The following C17orf75 variants were observed in gnomAD, a reference collection of about 807,000 sequenced individuals.
C17orf75 encodes the protein protein Njmu-R1.
Under a neutral mutation model 49.6 loss-of-function variants are expected in C17orf75, and 32 were observed. That is an observed-to-expected ratio of 0.65 (90% CI 0.49 to 0.87). C17orf75 has a LOEUF of 0.87. Ranked by LOEUF, C17orf75 falls within the 40% of genes least tolerant of loss-of-function variation. The probability of loss-of-function intolerance (pLI) is 0.00; values close to 1 mark genes in which losing one functional copy is unlikely to be tolerated. For synonymous variants in C17orf75, 158 were observed against 159.5 expected (o/e 0.99, Z 0.07); for missense variants, 428 against 473.9 (o/e 0.90, Z 0.90).
upstream of C17orf75, among the ~76,000 whole-genome samples, chr17:32,344,703 T>C (rs1010110062): frequency 1.8e-4 from 27 of 152,026 alleles, no homozygotes; most frequent in African/African-American, 5.3e-4. Context: ...GGTCAGGAGT[T>C]TGAAGCCAGC....
In C17orf75 at chr17:32,330,293, C is replaced by T. The variant is rs2041263387; in HGVS notation, c.*1470G>A. The T allele has an allele frequency of 6.6e-6, 1 of 152,032 alleles. No homozygotes were observed. The highest frequency in any genetic ancestry group is 6.6e-5 in the Admixed American group (1 of 15,264). 9.4% of individuals were successfully genotyped at this position (152,032 alleles called of 1,614,324 possible). On this transcript the variant is annotated 3_prime_UTR_variant, in exon 10 of 10. Transcript: ENST00000577809. ...AAAGAAAAGAAATGTGAGTCATGTCCCGAGGCTTATGTAGAGGAGAAAGCA... is the reference window on the plus strand; with the variant it reads ...AAAGAAAAGAAATGTGAGTCATGTCTCGAGGCTTATGTAGAGGAGAAAGCA...
At position 32,335,383 on chromosome 17, in the gene C17orf75, TACA is replaced by T; in HGVS notation, c.606_608del (p.Val203del). On this transcript the variant is annotated inframe_deletion, in exon 6 of 10. Coordinates refer to ENST00000577809, the MANE Select transcript of C17orf75 (RefSeq NM_022344.4). Reference sequence around the variant, plus strand: ...GAAGAACAACCCTTTGGATTGGGCATACAACATCCTCAAACCAGCTGCTCAGAT... The same window carrying T: ...GAAGAACAACCCTTTGGATTGGGCATACATCCTCAAACCAGCTGCTCAGAT... 6.2e-7 allele frequency: 1 copy of T among 1,613,964 alleles called. No homozygotes were observed. Among genetic ancestry groups the T allele is most frequent in the Non-Finnish European group, 8.5e-7 (1 of 1,179,836 alleles).
chr17:32,338,813 G>A (rs1331411213), intron 3 of C17orf75, among the ~76,000 whole-genome samples: 2 of 152,078 alleles, frequency 1.3e-5, no homozygotes, highest in Non-Finnish European at 2.9e-5. Context: ...AATGGAGGCC[G>A]GGCACAGTGG....
chr17:32,337,359 A>G (rs1454226428), intron 5 of C17orf75, among the ~76,000 whole-genome samples: 1 of 151,636 alleles, frequency 6.6e-6, no homozygotes, highest in Non-Finnish European at 1.5e-5. Flanking sequence ...GCTGTTTAGG[A>G]GGCTGAGGCG....
intron 9 of C17orf75, among the ~76,000 whole-genome samples, chr17:32,332,863 G>A (rs1289289752): frequency 6.6e-6 from 1 of 152,028 alleles, no homozygotes; most frequent in Non-Finnish European, 1.5e-5. Flanking sequence ...AGGTCGGAGT[G>A]CAGTGGCACA....
rs1489330634 is a variant in C17orf75, at chr17:32,334,511, C to T, written c.829G>A (p.Val277Ile). 6.2e-7 allele frequency: 1 copy of T among 1,612,556 alleles called. No individual in the cohort carries two copies. Among genetic ancestry groups the T allele is most frequent in the Non-Finnish European group, 8.5e-7 (1 of 1,179,410 alleles). Residue 277 changes from valine to isoleucine, a missense_variant, in exon 8 of 10, where the codon GTC becomes ATC. By Grantham distance (29) the Val-to-Ile change is conservative. Transcript: ENST00000577809. The stretch of plus-strand genomic sequence containing the variant: ...GGCTGGGAGCTGCTGCAATCGATGA[C>T]CACAGACTTATGCTGCTCCTCTGTC... ...AMTEEQHKSV[V>I]IDCSSSQPQF...
At position 32,328,849 on chromosome 17, in the gene C17orf75, C is replaced by T. The variant is rs1234022235; in HGVS notation, c.*2914G>A. On this transcript the variant is annotated 3_prime_UTR_variant, in exon 10 of 10. Transcript: ENST00000577809. ...AGGTTGCAGTGAGCCAAGATTGCAC[C>T]ACCACACTCCAGCCTGGGTGACAGA... 2.6e-5 allele frequency: 4 copies of T among 151,836 alleles called. No individual in the cohort carries two copies. The highest frequency in any genetic ancestry group is 6.6e-5 in the Admixed American group (1 of 15,250). The allele number at this position is 151,836 out of a possible 1,614,324, so 9.4% of individuals were successfully genotyped here.
chr17:32,334,428 G>T (rs758683474), intron 8 of C17orf75, 41 bp downstream of exon 8: 2 of 1,588,052 alleles, frequency 1.3e-6, no homozygotes, highest in Non-Finnish European at 1.7e-6. Context: ...ATGGGGACTC[G>T]CAAGAGATGT....
chr17:32,343,191 A>C (rs994034990), upstream of C17orf75, among the ~76,000 whole-genome samples: 3 of 152,200 alleles, frequency 2.0e-5, no homozygotes, highest in Admixed American at 1.3e-4. Flanking sequence ...TAGAGGCTTC[A>C]AGAGAGTATG....
upstream of C17orf75, among the ~76,000 whole-genome samples, chr17:32,342,673 C>T (rs1351642010): frequency 1.3e-5 from 2 of 152,216 alleles, no homozygotes; most frequent in Non-Finnish European, 2.9e-5. Context: ...CGGTGGCTCA[C>T]GCCTGTAATT....
chr17:32,329,464 G>C lies in C17orf75; in HGVS notation c.*2299C>G, dbSNP rs998676989. 4 of 149,686 alleles carry C rather than the reference G, an allele frequency of 2.7e-5. No homozygotes were observed. Among genetic ancestry groups the C allele is most frequent in the African/African-American group, 9.9e-5 (4 of 40,516 alleles). 9.3% of individuals were successfully genotyped at this position (149,686 alleles called of 1,614,324 possible). ...GGATTGCTTGAGTCCAAGAGTTTAA[G>C]ACCAGTCTGAGCAACATAGTGAGAC... is the stretch of plus-strand genomic sequence containing the variant. On this transcript the variant is annotated 3_prime_UTR_variant, in exon 10 of 10. Transcript: ENST00000577809.
At chr17:32,335,128 G>A (rs2041312814) in intron 6 of C17orf75, among the ~76,000 whole-genome samples, 195 bp downstream of exon 6, 1 of 152,212 alleles carries the variant, frequency 6.6e-6, no homozygotes, top group South Asian at 2.1e-4. Flanking sequence ...GGAAGACTCA[G>A]CATTTGAAAT....
At chr17:32,347,922 T>A (rs986774919) in intron 1 of C17orf75, among the ~76,000 whole-genome samples, 2 of 152,132 alleles carry the variant, frequency 1.3e-5, no homozygotes, top group Non-Finnish European at 2.9e-5. Flanking sequence ...GGTGCCCAGG[T>A]TGGTCTCACA....
Position 32,331,958 on chromosome 17 carries a change from ATTGT to A in C17orf75, c.992_995del (p.Asn331IlefsTer2), listed in dbSNP as rs1312495872. On this transcript the variant is annotated frameshift_variant, in exon 10 of 10. Coordinates refer to ENST00000577809, the MANE Select transcript of C17orf75 (RefSeq NM_022344.4). LOFTEE classifies it high-confidence loss of function. ...CTGCCTGTCGGATAAATCTCTTCAA[ATTGT>A]TTGTGTCTTGTATGGCCTAGAAAAT... The A allele has an allele frequency of 1.2e-6, 2 of 1,612,326 alleles. No individual in the cohort carries two copies. The highest frequency in any genetic ancestry group is 1.3e-5 in the African/African-American group (1 of 74,866).
At chr17:32,335,233 T>C in intron 6 of C17orf75, 90 bp downstream of exon 6, 1 of 1,456,776 alleles carries the variant, frequency 6.9e-7, no homozygotes, top group Non-Finnish European at 9.4e-7. Flanking sequence ...TGGGGAGGGA[T>C]GGGAGTCATG....
intron 5 of C17orf75, among the ~76,000 whole-genome samples, chr17:32,335,719 C>T (rs1440439591): frequency 6.6e-6 from 1 of 152,184 alleles, no homozygotes; most frequent in Admixed American, 6.5e-5. Flanking sequence ...TATTTCTTCA[C>T]AGGGAAGAGT....
chr17:32,342,273 C>CA, upstream of C17orf75: 1 of 1,357,450 alleles, frequency 7.4e-7, no homozygotes, highest in Non-Finnish European at 9.5e-7. Flanking sequence ...GGTTCGCAGG[C>CA]AAGGACTGGC....
chr17:32,342,246 T>G, upstream of C17orf75: 1 of 1,368,874 alleles, frequency 7.3e-7, no homozygotes, highest in Non-Finnish European at 9.5e-7. Context: ...CACACCTGCG[T>G]TCCGCTGGTT....
At position 32,334,462 on chromosome 17, in the gene C17orf75, A is replaced by G. The variant is rs761554687; in HGVS notation, c.871+7T>C. 6.2e-7 allele frequency: 1 copy of G among 1,609,988 alleles called. No homozygotes were observed. Reference sequence around the variant, plus strand: ...GTAGGAAGGCTGCTTCAGAGGTTGTAGCTCACCTGCATTGCAGAACTGAGG... The same window carrying G: ...GTAGGAAGGCTGCTTCAGAGGTTGTGGCTCACCTGCATTGCAGAACTGAGG... On this transcript the variant is annotated splice_region_variant and intron_variant, in intron 8 of 9. Transcript: ENST00000577809.
Sources: allele counts gnomAD v4.1 joint callset (sites outside exome capture counted in the v4.1 genomes callset), GRCh38; gene constraint gnomAD v4.1.1; transcripts MANE v1.5; gene names NCBI Gene and HGNC (gene_info 2026-07-23, HGNC 2026-07-21).